Variants in CACHD1 observed in about 807,000 individuals in gnomAD.
CACHD1 encodes the protein cache domain containing 1, also known as VWFA and cache domain-containing protein 1.
Under a neutral mutation model 138.7 loss-of-function variants are expected in CACHD1, and 71 were observed. That is an observed-to-expected ratio of 0.51 (90% CI 0.42 to 0.62). The LOEUF (loss-of-function observed/expected upper bound fraction) is 0.62. CACHD1 is among the 20% of genes least tolerant of loss of function. CACHD1 has a pLI of 0.00. For synonymous variants in CACHD1, 578 were observed against 591.5 expected, an observed-to-expected ratio of 0.98 and a Z score of 0.33; for missense variants, 1,389 against 1,625.3, an observed-to-expected ratio of 0.85 and a Z score of 2.50.
At chr1:64,618,060 A>G (rs886936159) in intron 4 of CACHD1, among the ~76,000 whole-genome samples, 1 of 144,858 alleles carries the variant, frequency 6.9e-6, no homozygotes, top group Non-Finnish European at 1.5e-5. Context: ...AGCTTGGGCA[A>G]CAAGAGTGAA....
intron 1 of CACHD1, among the ~76,000 whole-genome samples, chr1:64,504,899 T>G (rs1047169472): frequency 1.3e-5 from 2 of 152,178 alleles, no homozygotes; most frequent in Admixed American, 6.5e-5. Context: ...GGTGCGAGGA[T>G]GTACACCAGG....
chr1:64,600,839 A>G (rs1472072467), intron 3 of CACHD1, among the ~76,000 whole-genome samples: 2 of 152,244 alleles, frequency 1.3e-5, no homozygotes, highest in Admixed American at 6.5e-5. Flanking sequence ...CTGAAGGATT[A>G]CTAGACAAGT....
At position 64,526,518 on chromosome 1, in the gene CACHD1, G is replaced by C. The variant is rs78533407; in HGVS notation, c.199-24076G>C. Among the ~76,000 whole-genome samples the C allele has an allele frequency of 5.4e-3, 822 of 152,230 alleles. 3 individuals carry two copies. Among genetic ancestry groups the C allele is most frequent in the Non-Finnish European group, 8.9e-3 (605 of 68,004 alleles). On this transcript the variant is annotated intron_variant, in intron 1 of 26. Coordinates refer to ENST00000651257, the MANE Select transcript of CACHD1 (RefSeq NM_020925.4). ...TTGGAATCTGTGAAAAGTCCTGAGA[G>C]GGCTGATTGCTCCATAACAGGGTTT... is the stretch of plus-strand genomic sequence containing the variant.
chr1:64,632,521 G>A, intron 5 of CACHD1, 78 bp from the exon 6 acceptor site: 1 of 1,470,368 alleles, frequency 6.8e-7, no homozygotes. Context: ...CCCATGCACT[G>A]TAGTGTTCAC....
chr1:64,535,342 T>TTTTG (rs1646623439), intron 1 of CACHD1, among the ~76,000 whole-genome samples: 1 of 151,274 alleles, frequency 6.6e-6, no homozygotes, highest in African/African-American at 2.4e-5. Context: ...TTTTTTTTTT[T>TTTTG]GAGATAGAGT....
At chr1:64,544,127 G>A (rs1367557780) in intron 1 of CACHD1, among the ~76,000 whole-genome samples, 1 of 152,112 alleles carries the variant, frequency 6.6e-6, no homozygotes, top group Non-Finnish European at 1.5e-5. Flanking sequence ...AACAGATCCA[G>A]AGCTGAATGA....
chr1:64,494,617 TACCAGTGAAACCACAAG>T (rs946404975), intron 1 of CACHD1, among the ~76,000 whole-genome samples: 4 of 152,232 alleles, frequency 2.6e-5, no homozygotes, highest in African/African-American at 9.6e-5. Flanking sequence ...ACCTGTTACC[TACCAGTGAAACCACAAG>T]GCTAGTGGAA....
At chr1:64,620,531 T>C (rs1271266230) in intron 4 of CACHD1, among the ~76,000 whole-genome samples, 1 of 152,172 alleles carries the variant, frequency 6.6e-6, no homozygotes, top group African/African-American at 2.4e-5. Flanking sequence ...AATCATAAAT[T>C]AATGTAACAA....
chr1:64,654,884 G>A, intron 12 of CACHD1, 81 bp downstream of exon 12: 2 of 1,015,838 alleles, frequency 2.0e-6, no homozygotes, highest in Non-Finnish European at 3.1e-6. Flanking sequence ...CAGCCAGGGG[G>A]TGGCACTTGG....
At chr1:64,529,567 A>G (rs970008467) in intron 1 of CACHD1, among the ~76,000 whole-genome samples, 1 of 152,192 alleles carries the variant, frequency 6.6e-6, no homozygotes, top group Non-Finnish European at 1.5e-5. Context: ...GTTATTACTT[A>G]TTGAACACTT....
intron 23 of CACHD1, among the ~76,000 whole-genome samples, chr1:64,679,117 T>C (rs910199057): frequency 6.6e-6 from 1 of 152,226 alleles, no homozygotes. Context: ...TATGCTCACC[T>C]GCAGTTTCCT....
chr1:64,514,137 A>G (rs897035207), intron 1 of CACHD1, among the ~76,000 whole-genome samples: 6 of 152,218 alleles, frequency 3.9e-5, no homozygotes, highest in Non-Finnish European at 8.8e-5. Flanking sequence ...CTATCAAGAT[A>G]AAGTTTAGAT....
At position 64,632,695 on chromosome 1, in the gene CACHD1, C is replaced by G; in HGVS notation, c.741C>G (p.Ala247=). The change falls in exon 6 of 27, where the codon GCC becomes GCG. Residue 247 remains alanine (A), a synonymous_variant. Coordinates refer to ENST00000651257, the MANE Select transcript of CACHD1 (RefSeq NM_020925.4). ...ASVTDTQLQI[A]KDAAQVILSA... is the part of the protein sequence containing the mutation. ...TCACAGACACTCAGCTTCAGATTGC[C>G]AAGGACGCTGCTCAGGTCATCCTCA... The G allele has an allele frequency of 1.9e-6, 3 of 1,614,170 alleles. No homozygotes were observed. Among genetic ancestry groups the G allele is most frequent in the Non-Finnish European group, 2.5e-6 (3 of 1,180,014 alleles).
Position 64,647,955 on chromosome 1 carries a change from C to T in CACHD1, c.1311C>T (p.Gly437=). The change falls in exon 9 of 27, where the codon GGC becomes GGT. Residue 437 remains glycine (G), a synonymous_variant. Transcript: ENST00000651257. ...NQLSNLETTV[G]RFYTNLPNRM... ...TGAGCAACCTGGAGACCACAGTGGGCAGGTTCTACACAAACCTTCCCAACC... is the reference window on the plus strand; with the variant it reads ...TGAGCAACCTGGAGACCACAGTGGGTAGGTTCTACACAAACCTTCCCAACC... The T allele has an allele frequency of 1.2e-6, 2 of 1,614,048 alleles. No individual in the cohort carries two copies. Among genetic ancestry groups the T allele is most frequent in the Non-Finnish European group, 1.7e-6 (2 of 1,179,982 alleles).
chr1:64,498,073 G>A (rs1451024796), intron 1 of CACHD1, among the ~76,000 whole-genome samples: 4 of 152,240 alleles, frequency 2.6e-5, no homozygotes, highest in Admixed American at 6.5e-5. Flanking sequence ...GTTGCAGTGA[G>A]CTGAGATCGT....
intron 13 of CACHD1, 117 bp from the exon 14 acceptor site, chr1:64,663,578 A>G: frequency 6.8e-6 from 9 of 1,315,254 alleles, no homozygotes; most frequent in Non-Finnish European, 9.4e-6. Context: ...AAAAAAGGAA[A>G]AAAAAAGACA....
intron 3 of CACHD1, among the ~76,000 whole-genome samples, chr1:64,585,263 A>C (rs546108765): frequency 6.6e-6 from 1 of 152,330 alleles, no homozygotes; most frequent in Admixed American, 6.5e-5. Context: ...GTGTGCATTA[A>C]GTTTGGGAGT....
chr1:64,620,313 A>C (rs1053487929), intron 4 of CACHD1, among the ~76,000 whole-genome samples: 1 of 152,180 alleles, frequency 6.6e-6, no homozygotes, highest in East Asian at 1.9e-4. Context: ...AATGTGACTT[A>C]ATAGTGATCA....
chr1:64,505,637 G>A (rs1388987329), intron 1 of CACHD1, among the ~76,000 whole-genome samples: 1 of 128,156 alleles, frequency 7.8e-6, no homozygotes, highest in Non-Finnish European at 1.6e-5. Context: ...CCCCTCCCTG[G>A]GCGAACCCCA....
Sources: gnomAD v4.1 joint callset for allele counts (sites outside exome capture counted in the v4.1 genomes callset) on GRCh38, gnomAD v4.1.1 for gene constraint, MANE v1.5 for transcripts, NCBI Gene and HGNC (gene_info 2026-07-23, HGNC 2026-07-21) for gene names.